Variants in ROBO1 observed in about 807,000 individuals in gnomAD.
ROBO1 encodes roundabout guidance receptor 1, also known as roundabout homolog 1.
In ROBO1, 149 loss-of-function variants were observed where a neutral mutation model predicts 195.9. The ratio of observed to expected loss-of-function variants is 0.76; its 90% confidence interval spans 0.67 to 0.87. ROBO1 has a LOEUF of 0.87. ROBO1 is among the 40% of genes least tolerant of loss of function. The pLI, the probability that ROBO1 is intolerant of heterozygous loss-of-function variation, is 0.00. For synonymous variants in ROBO1, 816 were observed against 733.2 expected (o/e 1.11, Z -1.82); for missense variants, 1,933 against 2,068.3 (o/e 0.93, Z 1.27).
chr3:79,512,918 C>T (rs1387187286), intron 2 of ROBO1: 1 of 152,046 alleles, frequency 6.6e-6, no homozygotes, highest in Non-Finnish European at 1.5e-5. Context: ...AAAAGAGAAA[C>T]AGAAAAAGTC....
At chr3:79,520,262 G>A (rs1941153564) in intron 2 of ROBO1, among the ~76,000 whole-genome samples, 1 of 151,986 alleles carries the variant, frequency 6.6e-6, no homozygotes, top group Non-Finnish European at 1.5e-5. Flanking sequence ...AAACTAGATC[G>A]GGTGTCAGGA....
Position 78,717,862 on chromosome 3 carries a change from T to C in ROBO1, c.679A>G (p.Ile227Val). 6.2e-7 allele frequency: 1 copy of C among 1,613,606 alleles called. No individual in the cohort carries two copies. Among genetic ancestry groups the C allele is most frequent in the Non-Finnish European group, 8.5e-7 (1 of 1,179,630 alleles). ...RITIRGGKLMITYTRKSDAGK... is the reference protein window; with the variant it reads ...RITIRGGKLMVTYTRKSDAGK... ...GCGTCACTTTTACGGGTGTAAGTGA[T>C]CATGAGCTTTCCTCCTCGTATCTTA... The change falls in exon 6 of 31, where the codon ATC (isoleucine) becomes GTC (valine). Residue 227 changes from isoleucine (I) to valine (V), a missense_variant. Ile to Val is a conservative substitution (Grantham distance 29). Coordinates refer to ENST00000464233, the MANE Select transcript of ROBO1 (RefSeq NM_002941.4).
At chr3:79,258,595 A>C (rs1233549846) in intron 2 of ROBO1, among the ~76,000 whole-genome samples, 1 of 152,192 alleles carries the variant, frequency 6.6e-6, no homozygotes, top group Non-Finnish European at 1.5e-5. Flanking sequence ...TCATAGCAGC[A>C]CTGAGAAAGA....
chr3:78,629,468 G>A (rs1467973643), intron 25 of ROBO1, among the ~76,000 whole-genome samples: 2 of 152,064 alleles, frequency 1.3e-5, no homozygotes, highest in Admixed American at 6.6e-5. Flanking sequence ...GAGGCGGGAC[G>A]ATCGCTTGAG....
At chr3:79,694,905 A>G (rs1044696254) in intron 1 of ROBO1, among the ~76,000 whole-genome samples, 6 of 151,700 alleles carry the variant, frequency 4.0e-5, no homozygotes, top group African/African-American at 9.7e-5. Context: ...AAAGCATTGT[A>G]TAAACTTTGG....
intron 3 of ROBO1, among the ~76,000 whole-genome samples, chr3:79,098,860 G>A (rs896021692): frequency 9.2e-5 from 14 of 151,618 alleles, no homozygotes; most frequent in African/African-American, 3.4e-4. Context: ...GCCGACAGAT[G>A]AATGAAGATG....
At chr3:79,080,978 G>A (rs868392543) in intron 3 of ROBO1, among the ~76,000 whole-genome samples, 10 of 151,936 alleles carry the variant, frequency 6.6e-5, no homozygotes, top group East Asian at 1.9e-4. Flanking sequence ...TTGAGGGTGC[G>A]TATCTAAATT....
At chr3:79,524,769 A>C in intron 2 of ROBO1, among the ~76,000 whole-genome samples, 1 of 152,262 alleles carries the variant, frequency 6.6e-6, no homozygotes, top group South Asian at 2.1e-4. Flanking sequence ...ATTGTATCAT[A>C]ATGCTTGATC....
intron 2 of ROBO1, among the ~76,000 whole-genome samples, chr3:79,266,542 T>C (rs1202917466): frequency 2.0e-5 from 3 of 151,596 alleles, no homozygotes; most frequent in African/African-American, 7.2e-5. Context: ...TCATGGTATG[T>C]AAGAACATAG....
chr3:79,415,144 C>T (rs2037946159), intron 2 of ROBO1, among the ~76,000 whole-genome samples: 1 of 152,194 alleles, frequency 6.6e-6, no homozygotes, highest in African/African-American at 2.4e-5. Context: ...AAGCCTTCTG[C>T]CATTCATTCA....
At chr3:79,118,710 A>G (rs1165113783) in intron 3 of ROBO1, among the ~76,000 whole-genome samples, 2 of 151,990 alleles carry the variant, frequency 1.3e-5, no homozygotes. Context: ...TCTACTAAAA[A>G]TTCAAAAATT....
At chr3:78,725,460 T>C (rs2082139448) in intron 5 of ROBO1, among the ~76,000 whole-genome samples, 1 of 152,206 alleles carries the variant, frequency 6.6e-6, no homozygotes, top group Non-Finnish European at 1.5e-5. Context: ...GAATTTTCCC[T>C]GTAAAAAACT....
chr3:79,297,902 T>G (rs1245184435), intron 2 of ROBO1, among the ~76,000 whole-genome samples: 1 of 152,086 alleles, frequency 6.6e-6, no homozygotes. Context: ...CATCATGTTG[T>G]CATGGAATGC....
chr3:78,761,170 G>A (rs924559946), intron 4 of ROBO1, among the ~76,000 whole-genome samples: 2 of 151,804 alleles, frequency 1.3e-5, no homozygotes, highest in Admixed American at 6.6e-5. Context: ...AGGAATAAAC[G>A]GTTCTTAGCA....
chr3:78,667,168 T>C (rs1230866331), intron 14 of ROBO1, among the ~76,000 whole-genome samples: 1 of 152,148 alleles, frequency 6.6e-6, no homozygotes, highest in Non-Finnish European at 1.5e-5. Flanking sequence ...AAATAAAATT[T>C]GGTTAATTTT....
chr3:79,379,823 A>T (rs1575748782), intron 2 of ROBO1, among the ~76,000 whole-genome samples: 1 of 152,340 alleles, frequency 6.6e-6, no homozygotes, highest in East Asian at 1.9e-4. Context: ...TAGACATATA[A>T]AATATTGAGC....
chr3:79,178,332 A>T (rs1041305636), intron 2 of ROBO1, among the ~76,000 whole-genome samples: 2 of 152,244 alleles, frequency 1.3e-5, no homozygotes, highest in African/African-American at 4.8e-5. Flanking sequence ...TTTATTCTGT[A>T]AAAGCCTTAT....
At chr3:79,070,142 G>C (rs1028103922) in intron 3 of ROBO1, among the ~76,000 whole-genome samples, 3 of 151,840 alleles carry the variant, frequency 2.0e-5, no homozygotes, top group South Asian at 2.1e-4. Context: ...TCCTGAGAAA[G>C]AGAAGAATCT....
rs145149889 is a variant in ROBO1 at position 79,589,937 on chromosome 3, C to A, written c.-26G>T. 5.3e-6 allele frequency: 8 copies of A among 1,500,416 alleles called. No individual in the cohort carries two copies. The African/African-American group carries it at 9.7e-5, about 18-fold the overall frequency. The allele number at this position is 1,500,416 out of a possible 1,614,324, so 92.9% of individuals were successfully genotyped here. A position where few individuals can be genotyped will look rare whatever the true frequency, so the allele number is the denominator to read the frequency against. ...CTTTGTCCCTTCCTTGCATTACAAC[C>A]AGCCAGTGACAGACAATGTGTTATC... is the stretch of plus-strand genomic sequence containing the variant. On this transcript the variant is annotated 5_prime_UTR_variant, in exon 2 of 31. Transcript: ENST00000464233.
Sources: gnomAD v4.1 joint callset for allele counts (sites outside exome capture counted in the v4.1 genomes callset) on GRCh38, gnomAD v4.1.1 for gene constraint, MANE v1.5 for transcripts, NCBI Gene and HGNC (gene_info 2026-07-23, HGNC 2026-07-21) for gene names.